Variants in NFYC observed in about 807,000 individuals in gnomAD.
NFYC encodes the protein nuclear transcription factor Y subunit gamma, also known as CAAT box DNA-binding protein subunit C.
A neutral mutation model predicts 53.1 loss-of-function variants in NFYC; 25 were observed. That is an observed-to-expected ratio of 0.47 (90% CI 0.34 to 0.66). The LOEUF (loss-of-function observed/expected upper bound fraction) is 0.66. Among genes scored for constraint, NFYC ranks in the 30% least tolerant of loss-of-function variants. The probability of loss-of-function intolerance (pLI) is 0.01; values close to 1 mark genes in which losing one functional copy is unlikely to be tolerated. For missense variants in NFYC, 260 were observed against 422.7 expected, an observed-to-expected ratio of 0.62 and a Z score of 3.38; for synonymous variants, 145 against 152.6, an observed-to-expected ratio of 0.95 and a Z score of 0.37.
intron 1 of NFYC, among the ~76,000 whole-genome samples, chr1:40,693,009 G>A (rs1245474148): frequency 6.6e-6 from 1 of 152,188 alleles, no homozygotes; most frequent in Non-Finnish European, 1.5e-5. Context: ...GTAGTTGGTA[G>A]TTATTTGTTG....
At chr1:40,739,000 C>A in intron 2 of NFYC, 52 bp downstream of exon 2, 1 of 1,334,206 alleles carries the variant, frequency 7.5e-7, no homozygotes, top group Non-Finnish European at 1.1e-6. Flanking sequence ...GTATAAAGAG[C>A]TCTGGGAAAT....
chr1:40,746,169 CTG>C (rs1645598323), intron 2 of NFYC, among the ~76,000 whole-genome samples: 1 of 152,170 alleles, frequency 6.6e-6, no homozygotes, highest in Non-Finnish European at 1.5e-5. Context: ...TTCTAAGTCT[CTG>C]TTACTCCAGG....
chr1:40,726,365 A>T (rs894023779), intron 1 of NFYC, among the ~76,000 whole-genome samples: 1 of 150,604 alleles, frequency 6.6e-6, no homozygotes, highest in Admixed American at 6.6e-5. Flanking sequence ...TGATCCACCC[A>T]CCTCAGTCTC....
At chr1:40,720,498 C>T (rs929200030) in intron 1 of NFYC, among the ~76,000 whole-genome samples, 1 of 137,136 alleles carries the variant, frequency 7.3e-6, no homozygotes, top group Non-Finnish European at 1.6e-5. Flanking sequence ...CACAACTGAG[C>T]ACAGATACTT....
chr1:40,721,997 T>C (rs9438949), intron 1 of NFYC, among the ~76,000 whole-genome samples: 119,290 of 151,952 alleles, frequency 0.79, 47,460 homozygotes, highest in African/African-American at 0.9. Flanking sequence ...GGTGAAACCC[T>C]GTCTCTACTA....
At chr1:40,759,587 GTATTATATA>G (rs1646430599) in intron 6 of NFYC, among the ~76,000 whole-genome samples, 1 of 151,846 alleles carries the variant, frequency 6.6e-6, no homozygotes, top group Non-Finnish European at 1.5e-5. Flanking sequence ...ATGTGTGTGT[GTATTATATA>G]TGTGTGTATA....
At chr1:40,765,332 C>T (rs1646757502) in intron 7 of NFYC, among the ~76,000 whole-genome samples, 2 of 152,174 alleles carry the variant, frequency 1.3e-5, no homozygotes, top group South Asian at 4.1e-4. Context: ...CATCTTGCCT[C>T]AAGTGGGCAA....
At chr1:40,699,174 AC>A (rs1311007003) in intron 1 of NFYC, among the ~76,000 whole-genome samples, 1 of 133,382 alleles carries the variant, frequency 7.5e-6, no homozygotes, top group Non-Finnish European at 1.6e-5. Flanking sequence ...CCAAAAAAAA[AC>A]AAAACAAAAC....
Position 40,771,447 on chromosome 1 carries a change from A to G in NFYC, c.*619A>G, listed in dbSNP as rs1351197670. The G allele has an allele frequency of 2.1e-6, 1 of 470,714 alleles. No individual in the cohort carries two copies. The highest frequency in any genetic ancestry group is 2.0e-5 in the African/African-American group (1 of 50,170). 29.2% of individuals were successfully genotyped at this position (470,714 alleles called of 1,614,324 possible). A position where few individuals can be genotyped will look rare whatever the true frequency, so the allele number is the denominator to read the frequency against. On this transcript the variant is annotated 3_prime_UTR_variant, in exon 10 of 10. Coordinates refer to ENST00000447388, the MANE Select transcript of NFYC (RefSeq NM_014223.5). ...TTCCCTGTGGAGAGTGGGTGGATTC[A>G]TTGCCACACTCTTTTCTCCCAGGGA...
chr1:40,751,271 G>T (rs915682537), intron 4 of NFYC, among the ~76,000 whole-genome samples: 1 of 152,102 alleles, frequency 6.6e-6, no homozygotes, highest in Non-Finnish European at 1.5e-5. Flanking sequence ...AGGAACCAGA[G>T]GGAAAAAATT....
chr1:40,714,125 TTTG>T (rs1379216515), intron 1 of NFYC, among the ~76,000 whole-genome samples: 1 of 152,216 alleles, frequency 6.6e-6, no homozygotes, highest in African/African-American at 2.4e-5. Flanking sequence ...GTTAGTGTTT[TTTG>T]TTGTTGTTTT....
intron 5 of NFYC, 143 bp downstream of exon 5, chr1:40,753,389 C>G: frequency 1.7e-6 from 1 of 572,476 alleles, no homozygotes; most frequent in Non-Finnish European, 3.1e-6. Flanking sequence ...CTTAACATCT[C>G]CTTCTGTTAC....
In NFYC at chr1:40,769,422, T is replaced by G; in HGVS notation, c.888+7T>G. ...CCAGTTCACAGATGGACAGGTAGGG[T>G]ACCCAACCTGGGCTGGGCAGAGGGT... On this transcript the variant is annotated splice_region_variant and intron_variant, in intron 9 of 9. Transcript: ENST00000447388. 1 of 1,613,908 alleles carries G rather than the reference T, an allele frequency of 6.2e-7. No individual in the cohort carries two copies. The highest frequency in any genetic ancestry group is 1.6e-4 in the Middle Eastern group (1 of 6,062).
chr1:40,738,303 A>G (rs551371962), intron 1 of NFYC, among the ~76,000 whole-genome samples: 36 of 152,288 alleles, frequency 2.4e-4, no homozygotes, highest in South Asian at 8.3e-4. Context: ...GAGTAGCTGG[A>G]ACCACAGGCA....
chr1:40,740,928 T>TC (rs1645304824), intron 2 of NFYC, among the ~76,000 whole-genome samples: 1 of 152,118 alleles, frequency 6.6e-6, no homozygotes, highest in Admixed American at 6.5e-5. Flanking sequence ...CTTTGATTTT[T>TC]TTTTTTTTTT....
chr1:40,747,667 C>A, intron 3 of NFYC, 62 bp downstream of exon 3: 2 of 1,080,228 alleles, frequency 1.9e-6, no homozygotes, highest in Non-Finnish European at 2.8e-6. Context: ...GGTTATTGCT[C>A]ATTTCTCTAG....
intron 1 of NFYC, among the ~76,000 whole-genome samples, chr1:40,726,107 TTGTG>T (rs34878179): frequency 2.0e-5 from 2 of 101,882 alleles, no homozygotes; most frequent in African/African-American, 5.8e-5. Context: ...GTGTATGTGT[TTGTG>T]TGTGTGTGTG....
Position 40,771,453 on chromosome 1 carries a change from A to C in NFYC, c.*625A>C, listed in dbSNP as rs1305126036. The C allele has an allele frequency of 2.1e-6, 1 of 470,696 alleles. No homozygotes were observed. The highest frequency in any genetic ancestry group is 7.0e-5 in the East Asian group (1 of 14,380). The allele number at this position is 470,696 out of a possible 1,614,324, so 29.2% of individuals were successfully genotyped here. On this transcript the variant is annotated 3_prime_UTR_variant, in exon 10 of 10. Transcript: ENST00000447388. ...GTGGAGAGTGGGTGGATTCATTGCC[A>C]CACTCTTTTCTCCCAGGGACCCAGG...
chr1:40,767,847 A>C (rs1646897962), intron 8 of NFYC, among the ~76,000 whole-genome samples: 1 of 152,144 alleles, frequency 6.6e-6, no homozygotes, highest in African/African-American at 2.4e-5. Context: ...GTGGTGGTGC[A>C]TGCCTGTCAT....
Sources: allele counts gnomAD v4.1 joint callset (sites outside exome capture counted in the v4.1 genomes callset), GRCh38; gene constraint gnomAD v4.1.1; transcripts MANE v1.5; gene names NCBI Gene and HGNC (gene_info 2026-07-23, HGNC 2026-07-21).